UFD1: variants seen among roughly 807,000 people sequenced by gnomAD.
UFD1 encodes the protein ubiquitin recognition factor in ER associated degradation 1.
UFD1 carries 13 observed loss-of-function variants against 45.9 expected under a neutral mutation model. The ratio of observed to expected loss-of-function variants is 0.28; its 90% CI spans 0.18 to 0.45. UFD1 has a LOEUF of 0.45. UFD1 is among the 20% of genes least tolerant of loss of function. The probability of loss-of-function intolerance (pLI) is 1.00; values close to 1 mark genes in which losing one functional copy is unlikely to be tolerated. For missense variants in UFD1, 218 were observed against 389.2 expected (o/e 0.56, Z 3.70); for synonymous variants, 128 against 139.2 (o/e 0.92, Z 0.56).
chr22:19,463,997 C>T (rs1214569858), intron 6 of UFD1, among the ~76,000 whole-genome samples: 1 of 152,092 alleles, frequency 6.6e-6, no homozygotes, highest in Non-Finnish European at 1.5e-5. Flanking sequence ...ATTATAAAAG[C>T]TTAGAGTATT....
intron 4 of UFD1, among the ~76,000 whole-genome samples, chr22:19,471,016 G>A (rs2089841021): frequency 6.6e-6 from 1 of 152,310 alleles, no homozygotes; most frequent in Middle Eastern, 3.4e-3. Flanking sequence ...AGAGGAGTGA[G>A]GAGAAGAAGG....
At chr22:19,465,338 A>G in intron 5 of UFD1, 64 bp from the exon 6 acceptor site, 17 of 1,404,608 alleles carry the variant, frequency 1.2e-5, no homozygotes, top group Non-Finnish European at 1.7e-5. Context: ...ACAAGTTTCC[A>G]TGTTAGATGA....
intron 4 of UFD1, among the ~76,000 whole-genome samples, chr22:19,470,457 T>G (rs1209312248): frequency 6.6e-6 from 1 of 151,800 alleles, no homozygotes. Context: ...GTTTTTTTTT[T>G]TTGAGATGGA....
At chr22:19,451,986 C>T (rs1165728397) in intron 11 of UFD1, 2 of 967,658 alleles carry the variant, frequency 2.1e-6, no homozygotes, top group East Asian at 1.1e-4. Context: ...GTGAGGAACA[C>T]CTCCTAGGAG....
At chr22:19,475,180 T>C (rs536653739) in intron 2 of UFD1, 80 bp from the exon 3 acceptor site, 1 of 1,425,760 alleles carries the variant, frequency 7.0e-7, no homozygotes, top group East Asian at 2.5e-5. Context: ...TTTCTTTATA[T>C]CTAACAAAAA....
intron 3 of UFD1, among the ~76,000 whole-genome samples, chr22:19,472,540 G>A (rs1232532529): frequency 1.3e-5 from 2 of 152,338 alleles, no homozygotes; most frequent in South Asian, 2.1e-4. Context: ...AAGTAAGCTG[G>A]ACTGGTGACG....
intron 6 of UFD1, among the ~76,000 whole-genome samples, chr22:19,464,404 A>G (rs929358210): frequency 8.5e-5 from 13 of 152,260 alleles, no homozygotes; most frequent in African/African-American, 2.4e-4. Flanking sequence ...AGGGGCACCC[A>G]TATTACTGTG....
At chr22:19,478,665 A>G in intron 1 of UFD1, 1 of 226,946 alleles carries the variant, frequency 4.4e-6, no homozygotes, top group South Asian at 6.0e-5. Flanking sequence ...AGCTGGGGCA[A>G]GAGCTGGGTG....
At chr22:19,474,238 A>G (rs1206152788) in intron 3 of UFD1, among the ~76,000 whole-genome samples, 4 of 152,144 alleles carry the variant, frequency 2.6e-5, no homozygotes, top group South Asian at 2.1e-4. Flanking sequence ...GCATTGGTGC[A>G]CTGGAGATTA....
chr22:19,454,476 G>A, intron 11 of UFD1: 2 of 741,088 alleles, frequency 2.7e-6, no homozygotes, highest in Non-Finnish European at 3.8e-6. Flanking sequence ...TTATAAGTAG[G>A]TGTTTCCCTG....
intron 1 of UFD1, among the ~76,000 whole-genome samples, chr22:19,477,984 T>A (rs2089900520): frequency 6.6e-6 from 1 of 152,224 alleles, no homozygotes. Context: ...AAATAGCGTT[T>A]CTGGGTGAAC....
At chr22:19,470,944 A>G (rs1216847755) in intron 4 of UFD1, among the ~76,000 whole-genome samples, 2 of 152,178 alleles carry the variant, frequency 1.3e-5, no homozygotes, top group Non-Finnish European at 2.9e-5. Context: ...GATGTAATCC[A>G]AGCACAAAGA....
At chr22:19,476,996 G>A in intron 1 of UFD1, among the ~76,000 whole-genome samples, 1 of 95,754 alleles carries the variant, frequency 1.0e-5, no homozygotes. Context: ...AACAGAGCAA[G>A]ACTCCATCTC....
At chr22:19,472,113 A>G (rs1051719064) in intron 3 of UFD1, among the ~76,000 whole-genome samples, 1 of 151,858 alleles carries the variant, frequency 6.6e-6, no homozygotes, top group African/African-American at 2.4e-5. Context: ...CGACCTTCAA[A>G]GGTTTCTAGT....
chr22:19,453,927 GTGT>G, intron 11 of UFD1: 3 of 985,588 alleles, frequency 3.0e-6, no homozygotes, highest in Non-Finnish European at 3.6e-6. Flanking sequence ...TGAAGCGCTG[GTGT>G]TGTAGAAATC....
At chr22:19,473,151 G>A (rs1601902387) in intron 3 of UFD1, among the ~76,000 whole-genome samples, 2 of 152,176 alleles carry the variant, frequency 1.3e-5, no homozygotes, top group Non-Finnish European at 2.9e-5. Flanking sequence ...CACAGCCATG[G>A]AGCTGACATA....
chr22:19,453,485 C>T, intron 11 of UFD1: 1 of 985,490 alleles, frequency 1.0e-6, no homozygotes, highest in Non-Finnish European at 1.2e-6. Flanking sequence ...AAATTTGCAA[C>T]AGTCAGGTCA....
At chr22:19,451,795 C>T (rs899618570) in intron 11 of UFD1, 3 of 985,446 alleles carry the variant, frequency 3.0e-6, no homozygotes, top group Non-Finnish European at 3.6e-6. Flanking sequence ...TTGGCTTCTT[C>T]CTCTATTCAA....
At chr22:19,474,787 T>C (rs991106344) in intron 3 of UFD1, among the ~76,000 whole-genome samples, 1 of 151,462 alleles carries the variant, frequency 6.6e-6, no homozygotes, top group African/African-American at 2.4e-5. Context: ...AGTTGGGGGG[T>C]GGGTGGAGGT....
Sources: gnomAD v4.1 joint callset for allele counts (sites outside exome capture counted in the v4.1 genomes callset) on GRCh38, gnomAD v4.1.1 for gene constraint, MANE v1.5 for transcripts, NCBI Gene and HGNC (gene_info 2026-07-23, HGNC 2026-07-21) for gene names.